Variants in TENM2 observed in about 807,000 individuals in gnomAD.
TENM2 encodes the protein teneurin-2.
Under a neutral mutation model 245.2 loss-of-function variants are expected in TENM2, and 52 were observed. That is an observed-to-expected ratio of 0.21 (90% CI 0.17 to 0.27). TENM2 has a LOEUF of 0.27. Among genes scored for constraint, TENM2 ranks in the 10% least tolerant of loss-of-function variants. The pLI is 1.00. For missense variants in TENM2, 3,046 were observed against 3,666.8 expected (o/e 0.83, Z 4.37); for synonymous variants, 1,363 against 1,438.9 (o/e 0.95, Z 1.19).
chr5:167,579,669 T>C (rs550003549), intron 2 of TENM2, among the ~76,000 whole-genome samples: 60 of 152,276 alleles, frequency 3.9e-4, no homozygotes, highest in South Asian at 1.7e-3. Flanking sequence ...TGTGTGTGAG[T>C]GTGGAGAATT....
intron 3 of TENM2, among the ~76,000 whole-genome samples, chr5:167,931,179 G>A (rs1218736368): frequency 6.6e-6 from 1 of 152,150 alleles, no homozygotes; most frequent in Non-Finnish European, 1.5e-5. Flanking sequence ...TGCCTTTGAT[G>A]AAAATGAAAA....
intron 12 of TENM2, among the ~76,000 whole-genome samples, chr5:168,143,843 C>CTTTTTTTTTTTTTTT (rs70976464): frequency 9.7e-6 from 1 of 102,716 alleles, no homozygotes; most frequent in Non-Finnish European, 1.9e-5. Context: ...TACTACACTT[C>CTTTTTTTTTTTTTTT]TTTTTTTTTT....
At chr5:167,561,226 C>T (rs1164510790) in intron 2 of TENM2, among the ~76,000 whole-genome samples, 1 of 152,132 alleles carries the variant, frequency 6.6e-6, no homozygotes, top group African/African-American at 2.4e-5. Context: ...ACCTGATTAA[C>T]CTATTAAAGG....
intron 2 of TENM2, among the ~76,000 whole-genome samples, chr5:167,869,462 A>G (rs1325647533): frequency 6.6e-6 from 1 of 152,228 alleles, no homozygotes; most frequent in Non-Finnish European, 1.5e-5. Context: ...TACTTGTTGA[A>G]CAACTGACAG....
At chr5:167,791,832 G>A (rs1764996840) in intron 2 of TENM2, among the ~76,000 whole-genome samples, 1 of 151,956 alleles carries the variant, frequency 6.6e-6, no homozygotes, top group Non-Finnish European at 1.5e-5. Context: ...TGACCGCTGG[G>A]CCACATCCCC....
At chr5:167,701,916 C>T (rs1247039790) in intron 2 of TENM2, among the ~76,000 whole-genome samples, 1 of 152,112 alleles carries the variant, frequency 6.6e-6, no homozygotes, top group Non-Finnish European at 1.5e-5. Flanking sequence ...AAATATGTCT[C>T]TTTAAATGTT....
intron 2 of TENM2, among the ~76,000 whole-genome samples, chr5:167,738,763 A>T (rs1760975356): frequency 6.6e-6 from 1 of 152,090 alleles, no homozygotes; most frequent in East Asian, 1.9e-4. Context: ...CAGCATGCTC[A>T]CATGGTCTTT....
intron 2 of TENM2, among the ~76,000 whole-genome samples, chr5:167,691,239 A>AC (rs1757414192): frequency 6.6e-6 from 1 of 151,908 alleles, no homozygotes; most frequent in Admixed American, 6.6e-5. Flanking sequence ...CCCAACCTTC[A>AC]TTTACCTTTG....
intron 2 of TENM2, among the ~76,000 whole-genome samples, chr5:167,549,008 TCTC>T (rs1772755228): frequency 6.6e-6 from 1 of 152,200 alleles, no homozygotes; most frequent in Non-Finnish European, 1.5e-5. Context: ...ATAGCAGAAT[TCTC>T]CTTCTCCTTT....
At chr5:167,425,427 G>A (rs1274862070) in intron 2 of TENM2, among the ~76,000 whole-genome samples, 2 of 152,046 alleles carry the variant, frequency 1.3e-5, no homozygotes, top group East Asian at 1.9e-4. Context: ...AATGAGTTTG[G>A]GATAACAAAT....
intron 2 of TENM2, among the ~76,000 whole-genome samples, chr5:167,746,680 A>ATT (rs1285249802): frequency 8.6e-6 from 1 of 116,826 alleles, no homozygotes; most frequent in African/African-American, 4.0e-5. Context: ...ACCAACAGAG[A>ATT]GAGAGAGAGA....
At chr5:167,989,302 T>C (rs80208672) in intron 4 of TENM2, among the ~76,000 whole-genome samples, 1 of 118,536 alleles carries the variant, frequency 8.4e-6, no homozygotes, top group African/African-American at 3.4e-5. Flanking sequence ...GAGAGAGAGA[T>C]AGATAGATTT....
At chr5:167,447,351 A>G (rs1765292344) in intron 2 of TENM2, among the ~76,000 whole-genome samples, 1 of 152,240 alleles carries the variant, frequency 6.6e-6, no homozygotes, top group Non-Finnish European at 1.5e-5. Flanking sequence ...TATGATGTGT[A>G]CTTGGTTATT....
intron 2 of TENM2, among the ~76,000 whole-genome samples, chr5:167,519,545 A>T (rs537851714): frequency 6.6e-6 from 1 of 152,290 alleles, no homozygotes; most frequent in African/African-American, 2.4e-5. Flanking sequence ...TTTATTATGT[A>T]TTGGAGCCAA....
chr5:167,711,340 A>G (rs1758893247), intron 2 of TENM2, among the ~76,000 whole-genome samples: 1 of 152,218 alleles, frequency 6.6e-6, no homozygotes, highest in Non-Finnish European at 1.5e-5. Context: ...CTGGGATAGT[A>G]AGTGCAGAAA....
intron 7 of TENM2, among the ~76,000 whole-genome samples, chr5:168,082,029 C>T (rs1042063303): frequency 6.6e-6 from 1 of 152,212 alleles, no homozygotes; most frequent in Non-Finnish European, 1.5e-5. Context: ...AGAGTGTTTT[C>T]CAACTTGGTT....
intron 2 of TENM2, among the ~76,000 whole-genome samples, chr5:167,376,769 C>G (rs1760775681): frequency 6.6e-6 from 1 of 152,232 alleles, no homozygotes; most frequent in Middle Eastern, 3.4e-3. Context: ...ACATTTGACA[C>G]TCTGAGGTGC....
At chr5:168,086,876 C>T (rs867932501) in intron 7 of TENM2, among the ~76,000 whole-genome samples, 2 of 152,198 alleles carry the variant, frequency 1.3e-5, no homozygotes, top group African/African-American at 4.8e-5. Flanking sequence ...TTGGAAAATG[C>T]TCTCCTTCTA....
chr5:167,567,335 TAAGA>T (rs1773970217), intron 2 of TENM2, among the ~76,000 whole-genome samples: 1 of 152,172 alleles, frequency 6.6e-6, no homozygotes, highest in African/African-American at 2.4e-5. Context: ...AAATCTTTCT[TAAGA>T]AAGCTTATTT....
Sources: allele counts gnomAD v4.1 joint callset (sites outside exome capture counted in the v4.1 genomes callset), GRCh38; gene constraint gnomAD v4.1.1; transcripts MANE v1.5; gene names NCBI Gene and HGNC (gene_info 2026-07-23, HGNC 2026-07-21).